KPRP: variants seen among roughly 807,000 people sequenced by gnomAD.
The protein encoded by KPRP is keratinocyte proline-rich protein.
For missense variants in KPRP, 820 were observed against 746.4 expected, an observed-to-expected ratio of 1.10 and a Z score of -1.15; for synonymous variants, 282 against 276.9, an observed-to-expected ratio of 1.02 and a Z score of -0.18.
chr1:152,761,089 T>C, exon 1 of KPRP: 1 of 1,614,024 alleles, frequency 6.2e-7, no homozygotes, highest in Non-Finnish European at 8.5e-7. Context: ...CCCCAGCCCA[T>C]GCTGGGGCCC....
In KPRP at chr1:152,761,011, C is replaced by T. The variant is rs1165264771; in HGVS notation, c.1423C>T (p.Arg475Ter). The T allele has an allele frequency of 1.2e-6, 2 of 1,612,466 alleles. No homozygotes were observed. The highest frequency in any genetic ancestry group is 2.2e-5 in the East Asian group (1 of 44,882). The change falls in exon 1 of 1, where the codon CGA (arginine) becomes TGA (stop). Residue 475 changes from arginine to a stop codon, truncating the protein, a stop_gained. Transcript: ENST00000606109. LOFTEE classifies it low-confidence loss of function (END_TRUNC). ...CTGTGAGCACCCAGAGCCTTGTCCA[C>T]GACCAGAGCCAATTCCCCTGCCGGC...
At chr1:152,760,202 C>G in exon 1 of KPRP, 1 of 1,614,056 alleles carries the variant, frequency 6.2e-7, no homozygotes, top group Non-Finnish European at 8.5e-7. Context: ...AACAACTACA[C>G]CCCCCAGTTC....
At chr1:152,759,037 T>G (rs139432209), upstream of KPRP, among the ~76,000 whole-genome samples, 2 of 152,390 alleles carry the variant, frequency 1.3e-5, no homozygotes, top group East Asian at 3.9e-4. Flanking sequence ...AATGTTGGGT[T>G]TGAGCTGCCC....
chr1:152,760,680 C>T (rs371632676), exon 1 of KPRP: 238 of 1,612,694 alleles, frequency 1.5e-4, no homozygotes, highest in Non-Finnish European at 1.9e-4. Context: ...CCTCCTGGGG[C>T]GCCTCCTGCC....
exon 1 of KPRP, chr1:152,760,252 C>A (rs767386948): frequency 6.2e-7 from 1 of 1,614,142 alleles, no homozygotes; most frequent in Non-Finnish European, 8.5e-7. Flanking sequence ...CCCTCAGTAT[C>A]GGTCCCGGAC....
chr1:152,761,541 A>C, exon 1 of KPRP: 1 of 843,158 alleles, frequency 1.2e-6, no homozygotes, highest in Non-Finnish European at 1.8e-6. Flanking sequence ...CCTCGCCCGT[A>C]CGCATCCTCG....
Position 152,760,111 on chromosome 1 carries a change from CA to C in KPRP, c.524del (p.Gln175ArgfsTer36). ...AGGGCGTCCTGCAGTGTGCCAGCCT[CA>C]GGGAAGATTCTCCACCCAGTGCCAG... On this transcript the variant is annotated frameshift_variant, in exon 1 of 1. Coordinates refer to ENST00000606109, the Ensembl canonical transcript of KPRP. LOFTEE classifies it low-confidence loss of function (END_TRUNC). The C allele has an allele frequency of 6.2e-7, 1 of 1,614,184 alleles. No individual in the cohort carries two copies. Among genetic ancestry groups the C allele is most frequent in the Non-Finnish European group, 8.5e-7 (1 of 1,180,030 alleles).
At chr1:152,760,164 C>A (rs527838600) in exon 1 of KPRP, 1 of 1,614,050 alleles carries the variant, frequency 6.2e-7, no homozygotes, top group Non-Finnish European at 8.5e-7. Flanking sequence ...GCAGTTGTGG[C>A]CCCCAGTTTC....
chr1:152,759,654 C>T, exon 1 of KPRP: 2 of 1,614,132 alleles, frequency 1.2e-6, no homozygotes, highest in Non-Finnish European at 8.5e-7. Flanking sequence ...AGGGTCCCTC[C>T]TTCTGCTCCT....
exon 1 of KPRP, chr1:152,761,473 C>T (rs1651130239): frequency 2.8e-6 from 4 of 1,423,396 alleles, no homozygotes; most frequent in Middle Eastern, 2.2e-4. Flanking sequence ...ACTCCTTTGC[C>T]TATCATCCAA....
At chr1:152,760,026 A>G (rs1325027442) in exon 1 of KPRP, 51 of 1,614,192 alleles carry the variant, frequency 3.2e-5, no homozygotes, top group Non-Finnish European at 4.1e-5. Context: ...CTTGTTATGT[A>G]GAATGCCCAG....
At position 152,760,837 on chromosome 1, in the gene KPRP, G is replaced by A. The variant is rs778780914; in HGVS notation, c.1249G>A (p.Glu417Lys). 4 of 1,614,014 alleles carry A rather than the reference G, an allele frequency of 2.5e-6. No individual in the cohort carries two copies. In the East Asian group the frequency reaches 8.9e-5, roughly 36 times the overall value. ...GCGCCCAGAACCATGCATAAGTCTAGAACCACGCCCGCGTCCTCTACCACG... is the reference window on the plus strand; with the variant it reads ...GCGCCCAGAACCATGCATAAGTCTAAAACCACGCCCGCGTCCTCTACCACG... The change falls in exon 1 of 1, where the codon GAA (glutamate) becomes AAA (lysine). Residue 417 changes from glutamate (E) to lysine (K), a missense_variant. By Grantham distance (56) the Glu-to-Lys change is moderately conservative. Coordinates refer to ENST00000606109, the Ensembl canonical transcript of KPRP.
At chr1:152,760,681 G>A (rs765434263) in exon 1 of KPRP, 5 of 1,612,674 alleles carry the variant, frequency 3.1e-6, no homozygotes, top group African/African-American at 2.7e-5. Context: ...CTCCTGGGGC[G>A]CCTCCTGCCC....
chr1:152,761,787 C>A, exon 1 of KPRP: 1 of 175,508 alleles, frequency 5.7e-6, no homozygotes, highest in Non-Finnish European at 1.4e-5. Flanking sequence ...CACTGCATCC[C>A]CCGCACTACT....
At position 152,760,060 on chromosome 1, in the gene KPRP, G is replaced by C. The variant is rs747609017; in HGVS notation, c.472G>C (p.Ala158Pro). The change falls in exon 1 of 1, where the codon GCT (alanine) becomes CCT (proline). Residue 158 changes from alanine (A) to proline (P), a missense_variant. Coordinates refer to ENST00000606109, the Ensembl canonical transcript of KPRP. ...AGTCCAGAACTATGTACCCTGTCCAGCTCCTCAGCCTGTCCAGATGTATAG... is the reference window on the plus strand; with the variant it reads ...AGTCCAGAACTATGTACCCTGTCCACCTCCTCAGCCTGTCCAGATGTATAG... 9 of 1,614,048 alleles carry C rather than the reference G, an allele frequency of 5.6e-6. No individual in the cohort carries two copies. In the African/African-American group the frequency reaches 1.1e-4, roughly 19 times the overall value.
exon 1 of KPRP, chr1:152,760,168 C>G: frequency 1.2e-6 from 2 of 1,614,118 alleles, no homozygotes. Context: ...TTGTGGCCCC[C>G]AGTTTCAGTC....
chr1:152,760,149 C>T (rs565592053), exon 1 of KPRP: 17 of 1,614,164 alleles, frequency 1.1e-5, no homozygotes, highest in African/African-American at 1.3e-5. Context: ...ATCAAGGCTC[C>T]TATAGCAGTT....
At chr1:152,761,210 G>A (rs751971895) in exon 1 of KPRP, 2 of 1,614,240 alleles carry the variant, frequency 1.2e-6, no homozygotes, top group Admixed American at 3.3e-5. Flanking sequence ...GGGCAAGAGA[G>A]TGGTGCTGGC....
At chr1:152,761,162 C>A in exon 1 of KPRP, 2 of 1,614,184 alleles carry the variant, frequency 1.2e-6, no homozygotes, top group Non-Finnish European at 1.7e-6. Context: ...CGCCTAGACA[C>A]CGAAGCTCCC....
Sources: gnomAD v4.1 joint callset for allele counts (sites outside exome capture counted in the v4.1 genomes callset) on GRCh38, gnomAD v4.1.1 for gene constraint, MANE v1.5 for transcripts, NCBI Gene and HGNC (gene_info 2026-07-23, HGNC 2026-07-21) for gene names.